TCF20: variants seen among roughly 807,000 people sequenced by gnomAD.
The protein encoded by TCF20 is transcription factor 20, also known as SPRE-binding protein.
TCF20 carries 3 observed loss-of-function variants against 148.6 expected under a neutral mutation model. That is an observed-to-expected ratio of 0.02 (90% CI 0.01 to 0.05). The LOEUF is 0.05. Ranked by LOEUF, TCF20 falls within the 10% of genes least tolerant of loss-of-function variation. The pLI, the probability that TCF20 is intolerant of heterozygous loss-of-function variation, is 1.00. For missense variants in TCF20, 2,350 were observed against 2,429.3 expected (o/e 0.97, Z 0.69); for synonymous variants, 1,049 against 909.5 (o/e 1.15, Z -2.76).
intron 1 of TCF20, among the ~76,000 whole-genome samples, chr22:42,257,762 G>T (rs1330366074): frequency 6.6e-6 from 1 of 152,198 alleles, no homozygotes; most frequent in Non-Finnish European, 1.5e-5. Flanking sequence ...TTGAGAAGAG[G>T]ATGACCCTCA....
Position 42,258,271 on chromosome 22 carries a change from C to T in TCF20, c.-37+12068G>A, listed in dbSNP as rs142994063. On this transcript the variant is annotated intron_variant, in intron 1 of 5. Transcript: ENST00000677622. ...ACCTCCAACTCTCCATACCTCCCCCCCCTTCCCTAGGCAGAGGATCTTCAG... is the reference window on the plus strand; with the variant it reads ...ACCTCCAACTCTCCATACCTCCCCCTCCTTCCCTAGGCAGAGGATCTTCAG... 2.7e-3 allele frequency among the ~76,000 whole-genome samples: 407 copies of T among 152,120 alleles called. 2 individuals carry two copies. Among genetic ancestry groups the T allele is most frequent in the African/African-American group, 9.2e-3 (382 of 41,390 alleles).
chr22:42,319,348 C>T (rs559573812), intron 1 of TCF20, among the ~76,000 whole-genome samples: 9 of 152,302 alleles, frequency 5.9e-5, no homozygotes, highest in Middle Eastern at 6.8e-3. Context: ...TCTAAACTCC[C>T]CAAGTGCTCC....
At position 42,209,801 on chromosome 22, in the gene TCF20, G is replaced by A. The variant is rs774579852; in HGVS notation, c.5505C>T (p.Gly1835=). The A allele has an allele frequency of 9.3e-6, 15 of 1,614,080 alleles. No homozygotes were observed. In the Admixed American group the frequency reaches 2.3e-4, roughly 25 times the overall value. Residue 1835 remains glycine (G), a synonymous_variant, in exon 2 of 6, where the codon GGC becomes GGT. Coordinates refer to ENST00000677622, the MANE Select transcript of TCF20 (RefSeq NM_001378418.1). The stretch of plus-strand genomic sequence containing the variant: ...CAGGGATTTGTAACTCCAGCTCAGG[G>A]CCACCTTCTGAAGTGGTGGGCACGG... ...KPSVPTTSEG[G]PELELQIPEL...
upstream of TCF20, among the ~76,000 whole-genome samples, chr22:42,272,352 C>T (rs1926653938): frequency 6.6e-6 from 1 of 152,188 alleles, no homozygotes; most frequent in African/African-American, 2.4e-5. Context: ...GCAGGGCCTC[C>T]TGAAGACTGG....
At chr22:42,262,187 C>T (rs1246130186) in intron 1 of TCF20, among the ~76,000 whole-genome samples, 1 of 152,144 alleles carries the variant, frequency 6.6e-6, no homozygotes, top group Non-Finnish European at 1.5e-5. Context: ...AGATTTTAAG[C>T]AGACACATAC....
At chr22:42,226,322 A>T (rs924160874) in intron 1 of TCF20, among the ~76,000 whole-genome samples, 3 of 152,234 alleles carry the variant, frequency 2.0e-5, no homozygotes, top group African/African-American at 7.2e-5. Flanking sequence ...ATTAATACAT[A>T]ATTTCTAAAC....
In TCF20 at chr22:42,213,184, T is replaced by C. The variant is rs756665469; in HGVS notation, c.2122A>G (p.Ser708Gly). ...PSKSPGSLRY[S>G]YKDSFGSAVP... ...GCTGACCCGAAACTATCTTTGTAAC[T>C]ATAGCGCAGACTTCCAGGAGATTTG... Residue 708 changes from serine (S) to glycine (G), a missense_variant, in exon 2 of 6, where the codon AGT becomes GGT. Ser to Gly is a moderately conservative substitution (Grantham distance 56). Transcript: ENST00000677622. 14 of 1,614,100 alleles carry C rather than the reference T, an allele frequency of 8.7e-6. No individual in the cohort carries two copies. Among genetic ancestry groups the C allele is most frequent in the Admixed American group, 1.7e-5 (1 of 60,000 alleles).
At chr22:42,289,110 C>T (rs1041526142) in intron 1 of TCF20, among the ~76,000 whole-genome samples, 1 of 152,214 alleles carries the variant, frequency 6.6e-6, no homozygotes, top group African/African-American at 2.4e-5. Context: ...AGATATTCCC[C>T]GACCCACATC....
intron 1 of TCF20, among the ~76,000 whole-genome samples, chr22:42,256,743 A>C (rs1569190037): frequency 6.6e-6 from 1 of 152,164 alleles, no homozygotes; most frequent in Non-Finnish European, 1.5e-5. Flanking sequence ...GGTACTGGTA[A>C]ATCTGTTTAG....
At chr22:42,219,982 A>T (rs955954954) in intron 1 of TCF20, among the ~76,000 whole-genome samples, 2 of 152,192 alleles carry the variant, frequency 1.3e-5, no homozygotes, top group African/African-American at 4.8e-5. Flanking sequence ...TGTATTAGTG[A>T]GGTCCAGAAC....
At chr22:42,194,403 G>C (rs969001371) in intron 2 of TCF20, among the ~76,000 whole-genome samples, 1 of 152,178 alleles carries the variant, frequency 6.6e-6, no homozygotes, top group African/African-American at 2.4e-5. Context: ...GCCAGGAGGC[G>C]AAACTAAAAC....
At chr22:42,207,360 AAT>A (rs758753048) in intron 2 of TCF20, among the ~76,000 whole-genome samples, 2 of 151,990 alleles carry the variant, frequency 1.3e-5, no homozygotes, top group African/African-American at 4.8e-5. Context: ...CAAAAAAAAA[AAT>A]GTTTTTTTTT....
rs5758651 is a variant in TCF20 at position 42,213,142 on chromosome 22, T to C, written c.2164A>G (p.Ser722Gly). The C allele has an allele frequency of 0.19, 313,700 of 1,614,038 alleles. 32,298 individuals are homozygous for C. Among genetic ancestry groups the C allele is most frequent in the East Asian group, 0.31 (14,027 of 44,866 alleles). Residue 722 changes from serine to glycine, a missense_variant, in exon 2 of 6, where the codon AGT (serine) becomes GGT (glycine). By Grantham distance (56) the Ser-to-Gly change is moderately conservative. Coordinates refer to ENST00000677622, the MANE Select transcript of TCF20 (RefSeq NM_001378418.1). ...SFGSAVPRNVSGFPQYPTGQE... is the reference protein window; with the variant it reads ...SFGSAVPRNVGGFPQYPTGQE... ...CCTGTAGGATACTGAGGAAAGCCAC[T>C]GACATTTCGTGGCACGGCTGACCCG...
intron 1 of TCF20, among the ~76,000 whole-genome samples, chr22:42,254,354 T>C (rs1461593093): frequency 6.6e-5 from 10 of 152,208 alleles, no homozygotes; most frequent in Admixed American, 2.6e-4. Context: ...AAACTCTTCC[T>C]CTTCAAATGG....
intron 1 of TCF20, among the ~76,000 whole-genome samples, chr22:42,254,959 C>CAGAAAAA (rs1925643800): frequency 1.6e-5 from 1 of 62,824 alleles, no homozygotes; most frequent in African/African-American, 9.6e-5. Context: ...GACTCCGTCT[C>CAGAAAAA]AAAAAAAAAA....
At chr22:42,225,902 TC>T (rs142119127) in intron 1 of TCF20, among the ~76,000 whole-genome samples, 50 of 152,310 alleles carry the variant, frequency 3.3e-4, no homozygotes, top group African/African-American at 1.1e-3. Context: ...TTTTTGAGAA[TC>T]AGGCCTAAAG....
chr22:42,167,516 T>C (rs1017213492), intron 5 of TCF20, among the ~76,000 whole-genome samples: 2 of 146,180 alleles, frequency 1.4e-5, no homozygotes, highest in Non-Finnish European at 3.1e-5. Context: ...TGCCACAAGG[T>C]ACATTTTGGT....
At chr22:42,177,359 G>C (rs890965936) in intron 3 of TCF20, among the ~76,000 whole-genome samples, 1 of 152,188 alleles carries the variant, frequency 6.6e-6, no homozygotes, top group African/African-American at 2.4e-5. Context: ...AGGTTGCAGT[G>C]GGCTGAGATC....
chr22:42,323,161 CA>C (rs932645096), intron 1 of TCF20, among the ~76,000 whole-genome samples: 20 of 151,838 alleles, frequency 1.3e-4, no homozygotes, highest in African/African-American at 4.3e-4. Flanking sequence ...CTCAGCCTCC[CA>C]AAGTGTTGAG....
Sources: allele counts gnomAD v4.1 joint callset (sites outside exome capture counted in the v4.1 genomes callset), GRCh38; gene constraint gnomAD v4.1.1; transcripts MANE v1.5; gene names NCBI Gene and HGNC (gene_info 2026-07-23, HGNC 2026-07-21).